TMTC2: variants seen among roughly 807,000 people sequenced by gnomAD.
The protein encoded by TMTC2 is protein O-mannosyl-transferase TMTC2.
TMTC2 carries 43 observed loss-of-function variants against 82.4 expected under a neutral mutation model. That is an observed-to-expected ratio of 0.52 (90% CI 0.41 to 0.67). The LOEUF (loss-of-function observed/expected upper bound fraction) is 0.67. TMTC2 is among the 30% of genes least tolerant of loss of function. The probability of loss-of-function intolerance (pLI) is 0.00; values close to 1 mark genes in which losing one functional copy is unlikely to be tolerated. For missense variants in TMTC2, 919 were observed against 1,012.4 expected, an observed-to-expected ratio of 0.91 and a Z score of 1.25; for synonymous variants, 408 against 381.9, an observed-to-expected ratio of 1.07 and a Z score of -0.80.
At chr12:82,898,303 G>C (rs1031482194) in intron 3 of TMTC2, among the ~76,000 whole-genome samples, 2 of 152,158 alleles carry the variant, frequency 1.3e-5, no homozygotes, top group African/African-American at 4.8e-5. Flanking sequence ...TTATCAGCTA[G>C]TTTTTCTGCA....
intron 1 of TMTC2, among the ~76,000 whole-genome samples, chr12:82,795,636 T>C (rs1413607795): frequency 6.6e-6 from 1 of 151,964 alleles, no homozygotes; most frequent in Non-Finnish European, 1.5e-5. Flanking sequence ...TAAATTGGGA[T>C]TATGACCCTT....
chr12:82,905,664 G>A (rs1214157831), intron 3 of TMTC2, among the ~76,000 whole-genome samples: 2 of 152,172 alleles, frequency 1.3e-5, no homozygotes, highest in Non-Finnish European at 2.9e-5. Context: ...AACACAGTTG[G>A]CCAGGCGCCA....
intron 8 of TMTC2, among the ~76,000 whole-genome samples, chr12:83,003,393 TG>T (rs36030348): frequency 0.11 from 17,233 of 152,070 alleles, 1,802 homozygotes; most frequent in African/African-American, 0.28. Context: ...GCCTCTTACG[TG>T]GGGGTGTTTA....
intron 11 of TMTC2, among the ~76,000 whole-genome samples, chr12:83,066,535 G>A (rs568552436): frequency 6.6e-6 from 1 of 151,922 alleles, no homozygotes; most frequent in East Asian, 1.9e-4. Context: ...GTAATTTAGA[G>A]TGGCGATTTA....
chr12:82,868,828 C>T (rs1342067874), intron 2 of TMTC2, among the ~76,000 whole-genome samples: 1 of 151,524 alleles, frequency 6.6e-6, no homozygotes, highest in Non-Finnish European at 1.5e-5. Context: ...TTCAGGGAAA[C>T]GTTGAGTCTG....
chr12:82,940,136 G>A (rs1212707720), intron 4 of TMTC2, among the ~76,000 whole-genome samples: 1 of 147,366 alleles, frequency 6.8e-6, no homozygotes, highest in East Asian at 2.0e-4. Context: ...TTCTGCCTCA[G>A]CCTCCGGAGT....
At chr12:82,759,718 C>A (rs1270791038) in intron 1 of TMTC2, 2 of 152,174 alleles carry the variant, frequency 1.3e-5, no homozygotes, top group African/African-American at 4.8e-5. Context: ...GAGCTCTAGT[C>A]AGAAACAGTG....
intron 1 of TMTC2, among the ~76,000 whole-genome samples, chr12:82,750,303 A>C (rs1875916012): frequency 6.6e-6 from 1 of 151,894 alleles, no homozygotes; most frequent in Admixed American, 6.6e-5. Flanking sequence ...TGGCCATATC[A>C]AGCAGCTTTC....
intron 8 of TMTC2, among the ~76,000 whole-genome samples, chr12:83,006,406 T>C (rs1880207525): frequency 6.6e-6 from 1 of 152,226 alleles, no homozygotes. Context: ...TTTATTTCTT[T>C]GCTATCAGTT....
intron 11 of TMTC2, among the ~76,000 whole-genome samples, chr12:83,109,694 A>C (rs1208364979): frequency 6.6e-6 from 1 of 152,152 alleles, no homozygotes; most frequent in Non-Finnish European, 1.5e-5. Flanking sequence ...TTTTTAGATT[A>C]AATTCTAAGG....
At chr12:82,781,444 G>A (rs1877903438) in intron 1 of TMTC2, among the ~76,000 whole-genome samples, 1 of 139,440 alleles carries the variant, frequency 7.2e-6, no homozygotes, top group Admixed American at 7.5e-5. Context: ...TCTACAAGTT[G>A]GCAGTTGGTT....
intron 3 of TMTC2, among the ~76,000 whole-genome samples, chr12:82,903,488 T>C (rs985396521): frequency 1.3e-5 from 2 of 152,208 alleles, no homozygotes; most frequent in African/African-American, 4.8e-5. Context: ...CTCGCCTCAC[T>C]GCAAGCGCCG....
chr12:82,916,137 A>G (rs577507859), intron 3 of TMTC2, among the ~76,000 whole-genome samples: 1 of 152,346 alleles, frequency 6.6e-6, no homozygotes, highest in African/African-American at 2.4e-5. Flanking sequence ...AAAAGCCTTT[A>G]CTGAATTGGT....
chr12:83,103,914 A>C (rs1884311076), intron 11 of TMTC2, among the ~76,000 whole-genome samples: 1 of 152,260 alleles, frequency 6.6e-6, no homozygotes, highest in Non-Finnish European at 1.5e-5. Flanking sequence ...TCCCTTGTAT[A>C]GTTTTCTGTA....
intron 1 of TMTC2, among the ~76,000 whole-genome samples, chr12:82,729,486 G>A (rs1401679242): frequency 2.0e-5 from 3 of 152,114 alleles, no homozygotes; most frequent in Non-Finnish European, 4.4e-5. Context: ...TGCACCAATC[G>A]ACACTCTGTA....
At chr12:83,067,906 T>A (rs1882975435) in intron 11 of TMTC2, among the ~76,000 whole-genome samples, 2 of 152,232 alleles carry the variant, frequency 1.3e-5, no homozygotes, top group South Asian at 4.1e-4. Flanking sequence ...AAGGAGAATA[T>A]CTTTCAAGGA....
At chr12:82,998,131 C>T (rs903603187) in intron 8 of TMTC2, among the ~76,000 whole-genome samples, 1 of 152,146 alleles carries the variant, frequency 6.6e-6, no homozygotes, top group Non-Finnish European at 1.5e-5. Context: ...CTGTTGCTTA[C>T]TCAGTAATTT....
chr12:83,039,694 C>T (rs1247146046), intron 9 of TMTC2, among the ~76,000 whole-genome samples: 1 of 151,976 alleles, frequency 6.6e-6, no homozygotes, highest in East Asian at 1.9e-4. Flanking sequence ...TTTACAGGGC[C>T]ATTTGTGCTA....
chr12:82,974,935 GGAGA>G (rs377397322), intron 7 of TMTC2, among the ~76,000 whole-genome samples: 31 of 152,058 alleles, frequency 2.0e-4, no homozygotes, highest in Admixed American at 1.7e-3. Context: ...AAGGGAGACG[GGAGA>G]GAGAGAGAGT....
Sources: allele counts gnomAD v4.1 joint callset (sites outside exome capture counted in the v4.1 genomes callset), GRCh38; gene constraint gnomAD v4.1.1; transcripts MANE v1.5; gene names NCBI Gene and HGNC (gene_info 2026-07-23, HGNC 2026-07-21).